The following CSMD3 variants were observed in gnomAD, a reference collection of about 807,000 sequenced individuals.
CSMD3 encodes the protein CUB and Sushi multiple domains 3.
CSMD3 carries 177 observed loss-of-function variants against 435.2 expected under a neutral mutation model. That is an observed-to-expected ratio of 0.41 (90% CI 0.36 to 0.46). The LOEUF is 0.46. Among genes scored for constraint, CSMD3 ranks in the 20% least tolerant of loss-of-function variants. The pLI is 0.34. For synonymous variants in CSMD3, 1,656 were observed against 1,520.5 expected (o/e 1.09, Z -2.07); for missense variants, 4,265 against 4,504.6 (o/e 0.95, Z 1.52).
chr8:113,046,739 C>G (rs926280545), intron 5 of CSMD3, among the ~76,000 whole-genome samples: 1 of 152,308 alleles, frequency 6.6e-6, no homozygotes, highest in Non-Finnish European at 1.5e-5. Flanking sequence ...ATAAGGGAGT[C>G]AGGGACTTGG....
chr8:112,424,726 T>G (rs901651957), intron 32 of CSMD3, among the ~76,000 whole-genome samples: 1 of 152,196 alleles, frequency 6.6e-6, no homozygotes, highest in Non-Finnish European at 1.5e-5. Context: ...GGAGTCTCAC[T>G]CTGTCACTAG....
chr8:112,488,769 T>G (rs928538637), intron 31 of CSMD3, among the ~76,000 whole-genome samples: 8 of 152,180 alleles, frequency 5.3e-5, no homozygotes, highest in Admixed American at 1.3e-4. Flanking sequence ...AGAGAGGGAT[T>G]GTGTCTGTTA....
At chr8:112,948,403 G>A (rs901833216) in intron 8 of CSMD3, among the ~76,000 whole-genome samples, 1 of 151,916 alleles carries the variant, frequency 6.6e-6, no homozygotes, top group Admixed American at 6.6e-5. Flanking sequence ...AAATTACTAG[G>A]CATGCCTTTA....
chr8:113,214,463 C>A (rs565489907), intron 3 of CSMD3, among the ~76,000 whole-genome samples: 2 of 151,990 alleles, frequency 1.3e-5, no homozygotes, highest in South Asian at 4.1e-4. Flanking sequence ...TATGAAGAAT[C>A]TATAAGGATC....
In CSMD3 at chr8:113,063,009, A is replaced by G. The variant is rs199922296; in HGVS notation, c.917+35747T>C. On this transcript the variant is annotated intron_variant, in intron 5 of 70. Transcript: ENST00000297405. ...TTTGTTAAAGGCTAACTTATAAGTA[A>G]GAGTTAATTTGCATCATATTTTGAC... is the stretch of plus-strand genomic sequence containing the variant. 1.3e-4 allele frequency among the ~76,000 whole-genome samples: 19 copies of G among 151,878 alleles called. No individual in the cohort carries two copies. The East Asian group carries it at 3.3e-3, about 26-fold the overall frequency.
Position 112,313,982 on chromosome 8 carries a change from G to A in CSMD3, c.7620C>T (p.Ser2540=), listed in dbSNP as rs745494600. 2.7e-5 allele frequency: 44 copies of A among 1,609,974 alleles called. No individual in the cohort carries two copies. Among genetic ancestry groups the A allele is most frequent in the Non-Finnish European group, 3.4e-6 (4 of 1,176,706 alleles). ...GDYSSAFNIT[S]NGHEVFLQWS... ...ACTGAAGAAATACTTCATGACCATT[G>A]CTTGTTATATTAAAAGCAGATGAAT... Residue 2540 remains serine (S), a synonymous_variant, in exon 49 of 71, where the codon AGC becomes AGT. Transcript: ENST00000297405.
At chr8:112,263,891 A>G (rs1428681425) in intron 60 of CSMD3, 79 bp from the exon 61 acceptor site, 3 of 1,263,732 alleles carry the variant, frequency 2.4e-6, no homozygotes, top group African/African-American at 1.5e-5. Flanking sequence ...TATCATTAGA[A>G]GAAGCACATG....
intron 58 of CSMD3, among the ~76,000 whole-genome samples, chr8:112,284,917 G>A (rs1056515744): frequency 2.6e-4 from 40 of 151,764 alleles, no homozygotes; most frequent in African/African-American, 7.7e-4. Context: ...TTATATTACC[G>A]TGTTTAAAAT....
intron 62 of CSMD3, 57 bp downstream of exon 62, chr8:112,255,197 T>G: frequency 7.2e-7 from 1 of 1,393,366 alleles, no homozygotes; most frequent in Non-Finnish European, 1.0e-6. Context: ...AACCATTAAA[T>G]GTCACCCCTA....
chr8:112,605,142 A>T (rs532818488), intron 22 of CSMD3, among the ~76,000 whole-genome samples: 53 of 152,328 alleles, frequency 3.5e-4, no homozygotes, highest in African/African-American at 1.2e-3. Context: ...GATGCTGGTG[A>T]TGCTTTAAAG....
intron 13 of CSMD3, among the ~76,000 whole-genome samples, chr8:112,695,808 G>T (rs913869146): frequency 6.6e-6 from 1 of 152,154 alleles, no homozygotes; most frequent in African/African-American, 2.4e-5. Context: ...GTTTGCAGAT[G>T]ACATGATTGC....
At chr8:113,367,742 C>G (rs1448686770) in intron 1 of CSMD3, among the ~76,000 whole-genome samples, 1 of 152,116 alleles carries the variant, frequency 6.6e-6, no homozygotes, top group African/African-American at 2.4e-5. Flanking sequence ...TTGGAACAGT[C>G]TAATCTCCTG....
At chr8:112,248,931 C>T (rs1815014405) in intron 63 of CSMD3, among the ~76,000 whole-genome samples, 1 of 152,058 alleles carries the variant, frequency 6.6e-6, no homozygotes, top group African/African-American at 2.4e-5. Flanking sequence ...CAAGAAGCAC[C>T]ATTTGCATTT....
At chr8:112,764,734 AAT>A (rs2077932262) in intron 13 of CSMD3, among the ~76,000 whole-genome samples, 5 of 151,552 alleles carry the variant, frequency 3.3e-5, no homozygotes, top group African/African-American at 4.8e-5. Context: ...CTTGTTTTTT[AAT>A]ATGTTGTATG....
At chr8:112,262,051 G>A (rs1171658212) in intron 61 of CSMD3, among the ~76,000 whole-genome samples, 1 of 151,706 alleles carries the variant, frequency 6.6e-6, no homozygotes, top group Non-Finnish European at 1.5e-5. Context: ...TTTTTCATTT[G>A]TGGGTTATAC....
intron 45 of CSMD3, among the ~76,000 whole-genome samples, chr8:112,321,170 A>T (rs1822966747): frequency 6.6e-6 from 1 of 152,096 alleles, no homozygotes; most frequent in Non-Finnish European, 1.5e-5. Flanking sequence ...AAATTGTTTT[A>T]TATGCCTATT....
chr8:113,212,809 G>T (rs570286694), intron 3 of CSMD3, among the ~76,000 whole-genome samples: 11 of 150,742 alleles, frequency 7.3e-5, no homozygotes, highest in Non-Finnish European at 1.6e-4. Context: ...AATGGGTGCA[G>T]CACACCAATA....
chr8:113,245,440 T>C (rs2093266542), intron 3 of CSMD3, among the ~76,000 whole-genome samples: 3 of 152,016 alleles, frequency 2.0e-5, no homozygotes, highest in Admixed American at 2.0e-4. Context: ...TTAGAGCTTA[T>C]CCTGTAGATT....
chr8:112,456,706 G>A (rs1195343314), intron 32 of CSMD3, among the ~76,000 whole-genome samples: 5 of 151,948 alleles, frequency 3.3e-5, no homozygotes, highest in Non-Finnish European at 7.4e-5. Context: ...TGAGATGTCA[G>A]AAAGAATAAA....
Sources: gnomAD v4.1 joint callset for allele counts (sites outside exome capture counted in the v4.1 genomes callset) on GRCh38, gnomAD v4.1.1 for gene constraint, MANE v1.5 for transcripts, NCBI Gene and HGNC (gene_info 2026-07-23, HGNC 2026-07-21) for gene names.